Variants in EMC2 observed in about 807,000 individuals in gnomAD.
EMC2 encodes TPR repeat protein 35.
Under a neutral mutation model 51.6 loss-of-function variants are expected in EMC2, and 37 were observed. That is an observed-to-expected ratio of 0.72 (90% confidence interval 0.55 to 0.94). The LOEUF (loss-of-function observed/expected upper bound fraction) is 0.94, where lower values mean the gene tolerates loss of function less well. Among genes scored for constraint, EMC2 ranks in the 40% least tolerant of loss-of-function variants. The pLI is 0.00. For synonymous variants in EMC2, 131 were observed against 112.4 expected (o/e 1.17, Z -1.04); for missense variants, 359 against 350.9 (o/e 1.02, Z -0.18).
At chr8:108,446,315 G>T (rs1383670242) in intron 1 of EMC2, 1 of 421,300 alleles carries the variant, frequency 2.4e-6, no homozygotes, top group Admixed American at 2.6e-5. Context: ...GGAATCATTG[G>T]GTATCTTAAG....
intron 1 of EMC2, among the ~76,000 whole-genome samples, chr8:108,445,953 T>G (rs1295405196): frequency 2.0e-5 from 3 of 152,192 alleles, no homozygotes; most frequent in Non-Finnish European, 2.9e-5. Context: ...AGCTTGAAAA[T>G]GACCTTTTTA....
At chr8:108,486,488 C>CTT (rs34429579) in intron 10 of EMC2, 24 bp from the exon 11 acceptor site, 243,650 of 1,275,146 alleles carry the variant, frequency 0.19, 5,697 homozygotes, top group African/African-American at 0.32. Flanking sequence ...CCTAATTGAG[C>CTT]TTTTTTTTTT....
At position 108,445,147 on chromosome 8, in the gene EMC2, T is replaced by C. The variant is rs554724248; in HGVS notation, c.40+1449T>C. On this transcript the variant is annotated intron_variant, in intron 1 of 10. Coordinates refer to ENST00000220853, the MANE Select transcript of EMC2 (RefSeq NM_014673.5). ...GTAATTGGACCTTACCCTGTGGTCATTCTAAAGAGGATTGATGTAATTAAT... is the reference window on the plus strand; with the variant it reads ...GTAATTGGACCTTACCCTGTGGTCACTCTAAAGAGGATTGATGTAATTAAT... Among the ~76,000 whole-genome samples the C allele has an allele frequency of 4.6e-5, 7 of 152,332 alleles. No individual in the cohort carries two copies. In the East Asian group the frequency reaches 1.2e-3, roughly 25 times the overall value.
At chr8:108,480,690 A>G (rs538254138) in intron 10 of EMC2, among the ~76,000 whole-genome samples, 3 of 151,112 alleles carry the variant, frequency 2.0e-5, no homozygotes, top group African/African-American at 7.3e-5. Flanking sequence ...TCCTTTCCTC[A>G]CCCCTCCTTG....
At chr8:108,447,684 T>C (rs984640849) in intron 1 of EMC2, among the ~76,000 whole-genome samples, 2 of 152,104 alleles carry the variant, frequency 1.3e-5, no homozygotes, top group African/African-American at 4.8e-5. Flanking sequence ...AGAACAATCA[T>C]AGCGACTCTC....
In EMC2 at chr8:108,486,738, T is replaced by C; in HGVS notation, c.*140T>C. 1 of 860,236 alleles carries C rather than the reference T, an allele frequency of 1.2e-6. No individual in the cohort carries two copies. The highest frequency in any genetic ancestry group is 1.7e-6 in the Non-Finnish European group (1 of 606,010). The allele number at this position is 860,236 out of a possible 1,614,324, so 53.3% of individuals were successfully genotyped here. A position where few individuals can be genotyped will look rare whatever the true frequency, so the allele number is the denominator to read the frequency against. ...AGAAGGCAGTTGTAAAGAATGTGTT[T>C]ATATAAACCTAAAAATGCCTTTTAC... On this transcript the variant is annotated 3_prime_UTR_variant, in exon 11 of 11. Coordinates refer to ENST00000220853, the MANE Select transcript of EMC2 (RefSeq NM_014673.5).
At chr8:108,468,053 A>G (rs1810763950) in intron 5 of EMC2, among the ~76,000 whole-genome samples, 1 of 152,202 alleles carries the variant, frequency 6.6e-6, no homozygotes, top group Non-Finnish European at 1.5e-5. Context: ...GGATTTCAAA[A>G]CAGACATTAT....
intron 10 of EMC2, among the ~76,000 whole-genome samples, chr8:108,482,897 T>C (rs1345145467): frequency 1.3e-5 from 2 of 152,070 alleles, no homozygotes; most frequent in Non-Finnish European, 2.9e-5. Flanking sequence ...TGGAATTGAT[T>C]TTTATGTATG....
At chr8:108,458,957 A>G (rs1039408407) in intron 5 of EMC2, among the ~76,000 whole-genome samples, 1 of 152,134 alleles carries the variant, frequency 6.6e-6, no homozygotes, top group Non-Finnish European at 1.5e-5. Context: ...CACCTCTTGA[A>G]TGCTTTGCTG....
chr8:108,475,773 GAATA>G, intron 7 of EMC2, 105 bp from the exon 8 acceptor site: 1 of 596,092 alleles, frequency 1.7e-6, no homozygotes, highest in African/African-American at 2.0e-5. Flanking sequence ...ATTATATTGG[GAATA>G]AATTGTTTAA....
chr8:108,444,220 T>C (rs1257695911), intron 1 of EMC2, among the ~76,000 whole-genome samples: 1 of 152,210 alleles, frequency 6.6e-6, no homozygotes, highest in Non-Finnish European at 1.5e-5. Flanking sequence ...TCCAGTTTCT[T>C]TTCCTTTTAG....
intron 4 of EMC2, 124 bp downstream of exon 4, chr8:108,453,271 A>C (rs1004723184): frequency 1.1e-5 from 5 of 459,112 alleles, no homozygotes; most frequent in Admixed American, 4.2e-5. Context: ...TTTAATTTAC[A>C]TTTTTTGATG....
At position 108,456,228 on chromosome 8, in the gene EMC2, G is replaced by T. The variant is rs189469526; in HGVS notation, c.363+298G>T. Among the ~76,000 whole-genome samples the T allele has an allele frequency of 9.9e-4, 150 of 151,302 alleles. 1 individual carries two copies. The highest frequency in any genetic ancestry group is 2.9e-3 in the Admixed American group (44 of 15,210). On this transcript the variant is annotated intron_variant, in intron 5 of 10. Coordinates refer to ENST00000220853, the MANE Select transcript of EMC2 (RefSeq NM_014673.5). ...TGTGCCTGTAATCCCACCTACTCAG[G>T]AGGCTGAGGCAGGAGAATCCCTTGA...
At chr8:108,464,031 A>T (rs1157321959) in intron 5 of EMC2, 1 of 152,182 alleles carries the variant, frequency 6.6e-6, no homozygotes, top group African/African-American at 2.4e-5. Context: ...TCTCTCTCTG[A>T]GAAGGGTAGC....
At chr8:108,463,785 A>G (rs1313666223) in intron 5 of EMC2, among the ~76,000 whole-genome samples, 1 of 152,144 alleles carries the variant, frequency 6.6e-6, no homozygotes, top group Non-Finnish European at 1.5e-5. Context: ...CAACACAGGA[A>G]ATGCACCACT....
intron 5 of EMC2, among the ~76,000 whole-genome samples, chr8:108,469,472 C>CCCCTAAT (rs752678170): frequency 6.6e-6 from 1 of 151,990 alleles, no homozygotes; most frequent in Non-Finnish European, 1.5e-5. Context: ...CTCCACTGTT[C>CCCCTAAT]CTCCCCCTCT....
chr8:108,460,749 T>C (rs1819299856), intron 5 of EMC2, among the ~76,000 whole-genome samples: 1 of 152,236 alleles, frequency 6.6e-6, no homozygotes, highest in African/African-American at 2.4e-5. Context: ...TCAAGCATTT[T>C]GTATAAGGGA....
chr8:108,469,775 A>G, intron 5 of EMC2, 51 bp from the exon 6 acceptor site: 3 of 1,482,958 alleles, frequency 2.0e-6, no homozygotes, highest in Non-Finnish European at 2.8e-6. Flanking sequence ...CTTCTTTACA[A>G]AACCCCAAGG....
intron 3 of EMC2, among the ~76,000 whole-genome samples, chr8:108,451,512 G>T (rs760669794): frequency 2.6e-5 from 4 of 152,020 alleles, no homozygotes; most frequent in Non-Finnish European, 4.4e-5. Flanking sequence ...TGAAATACCT[G>T]AAAAAAATTC....
Sources: allele counts gnomAD v4.1 joint callset (sites outside exome capture counted in the v4.1 genomes callset), GRCh38; gene constraint gnomAD v4.1.1; transcripts MANE v1.5; gene names NCBI Gene and HGNC (gene_info 2026-07-23, HGNC 2026-07-21).